BMPR1A: variants seen among roughly 807,000 people sequenced by gnomAD.
The protein encoded by BMPR1A is bone morphogenetic protein receptor type 1A, also known as bone morphogenetic protein receptor type-1A.
BMPR1A carries 7 observed loss-of-function variants against 66.0 expected under a neutral mutation model. The observed-to-expected ratio is 0.11, with a 90% CI of 0.06 to 0.20. The LOEUF (loss-of-function observed/expected upper bound fraction) is 0.20, where lower values mean the gene tolerates loss of function less well. BMPR1A is among the 10% of genes least tolerant of loss of function. The pLI, the probability that BMPR1A is intolerant of heterozygous loss-of-function variation, is 1.00. For synonymous variants in BMPR1A, 200 were observed against 229.7 expected, an observed-to-expected ratio of 0.87 and a Z score of 1.17; for missense variants, 408 against 669.1, an observed-to-expected ratio of 0.61 and a Z score of 4.31.
intron 7 of BMPR1A, among the ~76,000 whole-genome samples, chr10:86,909,728 A>G (rs1264230750): frequency 6.6e-6 from 1 of 152,332 alleles, no homozygotes; most frequent in African/African-American, 2.4e-5. Context: ...TTACCAAGCC[A>G]TGGAGAACTG....
chr10:86,846,853 C>T (rs1448373488), intron 2 of BMPR1A, among the ~76,000 whole-genome samples: 2 of 152,166 alleles, frequency 1.3e-5, no homozygotes, highest in Non-Finnish European at 2.9e-5. Context: ...TGTTTAGTCC[C>T]ACTCTCTTCC....
intron 2 of BMPR1A, among the ~76,000 whole-genome samples, chr10:86,852,084 TA>T (rs1332684743): frequency 6.7e-6 from 1 of 149,778 alleles, no homozygotes; most frequent in East Asian, 2.0e-4. Context: ...ACCTTGCCTT[TA>T]AAAAAGAAAA....
chr10:86,815,609 T>C (rs1268298203), intron 1 of BMPR1A, among the ~76,000 whole-genome samples: 1 of 152,240 alleles, frequency 6.6e-6, no homozygotes, highest in East Asian at 1.9e-4. Flanking sequence ...TTGCAGGCAC[T>C]GGTTTTATCT....
rs17426856 is a variant in BMPR1A, at chr10:86,905,559, C to T, written c.530+5433C>T. 8.7e-3 allele frequency among the ~76,000 whole-genome samples: 1,318 copies of T among 152,106 alleles called. 9 individuals are homozygous for T. Among genetic ancestry groups the T allele is most frequent in the Non-Finnish European group, 0.015 (1,015 of 67,996 alleles). On this transcript the variant is annotated intron_variant, in intron 7 of 12. Transcript: ENST00000372037. The stretch of plus-strand genomic sequence containing the variant: ...TTTCCTATTGAATTTTGAAGGGTGC[C>T]CATGGTGAATCTTGTGTGTCCCTCA...
intron 1 of BMPR1A, among the ~76,000 whole-genome samples, chr10:86,787,337 C>CAAT (rs1841531672): frequency 6.6e-6 from 1 of 152,014 alleles, no homozygotes; most frequent in Non-Finnish European, 1.5e-5. Flanking sequence ...TAGTAAAAAG[C>CAAT]AATAAAGTAA....
At chr10:86,836,306 C>CCTTTA (rs10646062) in intron 1 of BMPR1A, among the ~76,000 whole-genome samples, 71,466 of 151,644 alleles carry the variant, frequency 0.47, 18,448 homozygotes, top group African/African-American at 0.67. Flanking sequence ...AAGGTCCTAA[C>CCTTTA]CTTTATTCAC....
intron 1 of BMPR1A, among the ~76,000 whole-genome samples, chr10:86,822,407 C>T (rs1337422581): frequency 6.6e-6 from 1 of 152,134 alleles, no homozygotes; most frequent in Non-Finnish European, 1.5e-5. Flanking sequence ...GCACACACTT[C>T]AATGGTTTTT....
intron 1 of BMPR1A, among the ~76,000 whole-genome samples, chr10:86,826,846 A>ATAATAGACATTTATGTACATTACATAAAG (rs568600069): frequency 0.011 from 1,667 of 152,130 alleles, 12 homozygotes; most frequent in Middle Eastern, 0.014. Context: ...AGAAAGTGCT[A>ATAATAGACATTTATGTACATTACATAAAG]TAATAGACAT....
chr10:86,864,493 C>T (rs1237964188), intron 2 of BMPR1A, among the ~76,000 whole-genome samples: 5 of 152,236 alleles, frequency 3.3e-5, no homozygotes, highest in Non-Finnish European at 5.9e-5. Context: ...GACTCTTCAG[C>T]TGCAGTTGTC....
In BMPR1A at chr10:86,817,179, A is replaced by G. The variant is rs546911168; in HGVS notation, c.-267-21686A>G. 2.3e-4 allele frequency among the ~76,000 whole-genome samples: 35 copies of G among 152,262 alleles called. No individual in the cohort carries two copies. The South Asian group carries it at 5.0e-3, about 22-fold the overall frequency. On this transcript the variant is annotated intron_variant, in intron 1 of 12. Transcript: ENST00000372037. ...TGTTGTGCAACCATCACCACCATCC[A>G]TCTCCCATACTCTTTTCATCTGGTG...
At chr10:86,773,732 A>G (rs1450880429) in intron 1 of BMPR1A, among the ~76,000 whole-genome samples, 1 of 152,122 alleles carries the variant, frequency 6.6e-6, no homozygotes, top group Non-Finnish European at 1.5e-5. Flanking sequence ...TTCTTTATTT[A>G]TAGGTTCTGT....
At chr10:86,783,747 A>G (rs937626699) in intron 1 of BMPR1A, among the ~76,000 whole-genome samples, 1 of 152,068 alleles carries the variant, frequency 6.6e-6, no homozygotes, top group African/African-American at 2.4e-5. Flanking sequence ...CATCACCATG[A>G]CCAGCTAACT....
chr10:86,874,233 G>A (rs1174435211), intron 2 of BMPR1A, among the ~76,000 whole-genome samples: 1 of 152,056 alleles, frequency 6.6e-6, no homozygotes, highest in Non-Finnish European at 1.5e-5. Context: ...TTTACTTTGA[G>A]GCATTTAAAA....
At chr10:86,811,128 TC>T (rs1356432285) in intron 1 of BMPR1A, among the ~76,000 whole-genome samples, 1 of 152,186 alleles carries the variant, frequency 6.6e-6, no homozygotes, top group Non-Finnish European at 1.5e-5. Flanking sequence ...AACATCTGGC[TC>T]CCGGGTTCAA....
intron 1 of BMPR1A, among the ~76,000 whole-genome samples, chr10:86,838,282 T>C (rs1358346774): frequency 6.6e-6 from 1 of 152,196 alleles, no homozygotes; most frequent in Non-Finnish European, 1.5e-5. Context: ...TTTAGATTTA[T>C]GAATGCTTGC....
chr10:86,844,999 C>T (rs1382789326), intron 2 of BMPR1A, among the ~76,000 whole-genome samples: 2 of 152,216 alleles, frequency 1.3e-5, no homozygotes, highest in African/African-American at 4.8e-5. Flanking sequence ...TGGTCTTGAA[C>T]ACCTGACCTC....
intron 1 of BMPR1A, among the ~76,000 whole-genome samples, chr10:86,784,470 A>C (rs1458394145): frequency 6.6e-6 from 1 of 152,160 alleles, no homozygotes; most frequent in Non-Finnish European, 1.5e-5. Context: ...ATCGTGTATG[A>C]TTTTAATATG....
chr10:86,900,747 C>T (rs1156777917), intron 7 of BMPR1A, among the ~76,000 whole-genome samples: 1 of 152,184 alleles, frequency 6.6e-6, no homozygotes, highest in Non-Finnish European at 1.5e-5. Context: ...TGGGGTACCA[C>T]AGTTGAGAAA....
chr10:86,910,338 AAAAT>A (rs1645354508), intron 7 of BMPR1A, among the ~76,000 whole-genome samples: 1 of 152,204 alleles, frequency 6.6e-6, no homozygotes, highest in Admixed American at 6.5e-5. Flanking sequence ...ACTCCATCTC[AAAAT>A]AAATAAAGAA....
Sources: gnomAD v4.1 joint callset for allele counts (sites outside exome capture counted in the v4.1 genomes callset) on GRCh38, gnomAD v4.1.1 for gene constraint, MANE v1.5 for transcripts, NCBI Gene and HGNC (gene_info 2026-07-23, HGNC 2026-07-21) for gene names.